Variants in PHTF1 observed in about 807,000 individuals in gnomAD.
PHTF1 encodes protein PHTF1.
A neutral mutation model predicts 102.4 loss-of-function variants in PHTF1; 88 were observed. That is an observed-to-expected ratio of 0.86 (90% CI 0.72 to 1.03). The LOEUF (loss-of-function observed/expected upper bound fraction) is 1.03, where lower values mean the gene tolerates loss of function less well. Among genes scored for constraint, PHTF1 ranks in the 50% least tolerant of loss-of-function variants. PHTF1 has a pLI of 0.00. For missense variants in PHTF1, 814 were observed against 909.5 expected (o/e 0.89, Z 1.35); for synonymous variants, 289 against 305.2 (o/e 0.95, Z 0.55).
intron 8 of PHTF1, 36 bp downstream of exon 8, chr1:113,713,243 G>C (rs1651427832): frequency 1.3e-6 from 2 of 1,584,138 alleles, no homozygotes; most frequent in South Asian, 2.2e-5. Context: ...GTTACATGGG[G>C]AAAAAAACCC....
intron 5 of PHTF1, among the ~76,000 whole-genome samples, chr1:113,736,627 C>T (rs1454620328): frequency 6.6e-6 from 1 of 152,016 alleles, no homozygotes; most frequent in East Asian, 1.9e-4. Flanking sequence ...ACACCTGTAT[C>T]CCAGCTACTC....
At chr1:113,712,163 A>C (rs763122583) in intron 8 of PHTF1, 50 bp from the exon 9 acceptor site, 2 of 1,462,300 alleles carry the variant, frequency 1.4e-6, no homozygotes, top group East Asian at 2.3e-5. Flanking sequence ...AAAATATTCT[A>C]ATAAGCTGCA....
At chr1:113,740,837 C>A (rs1656236409) in intron 3 of PHTF1, among the ~76,000 whole-genome samples, 2 of 152,090 alleles carry the variant, frequency 1.3e-5, no homozygotes, top group African/African-American at 4.8e-5. Flanking sequence ...TTGAGACCAG[C>A]CTGGCCAACA....
intron 3 of PHTF1, among the ~76,000 whole-genome samples, chr1:113,743,346 C>A (rs369445059): frequency 3.9e-5 from 6 of 152,044 alleles, no homozygotes; most frequent in African/African-American, 7.2e-5. Context: ...CATATCTTGT[C>A]CTACTGTAGG....
At chr1:113,735,960 A>T (rs1440668631) in intron 5 of PHTF1, among the ~76,000 whole-genome samples, 4 of 152,182 alleles carry the variant, frequency 2.6e-5, no homozygotes, top group Non-Finnish European at 4.4e-5. Context: ...CCCTGCACAC[A>T]GTTAGAAAAC....
At position 113,706,064 on chromosome 1, in the gene PHTF1, C is replaced by T; in HGVS notation, c.1497G>A (p.Glu499=). The stretch of plus-strand genomic sequence containing the variant: ...TGGACTTTAGTTGGTCAAGGCTCTT[C>T]TCACGGAAAAGTCGATGTAAGAATG... ...FFPFLHRLFR[E]KSLDQLKSIS... Residue 499 remains glutamate, a synonymous_variant, in exon 13 of 19, where the codon GAG becomes GAA. Transcript: ENST00000369604. The T allele has an allele frequency of 1.9e-6, 3 of 1,614,144 alleles. No homozygotes were observed. The highest frequency in any genetic ancestry group is 2.5e-6 in the Non-Finnish European group (3 of 1,179,992).
At chr1:113,729,970 C>T (rs1654401308) in intron 5 of PHTF1, among the ~76,000 whole-genome samples, 1 of 152,190 alleles carries the variant, frequency 6.6e-6, no homozygotes, top group Non-Finnish European at 1.5e-5. Flanking sequence ...CCATCCCAAA[C>T]ACTCCTATAC....
At chr1:113,728,064 G>A (rs990294590) in intron 5 of PHTF1, among the ~76,000 whole-genome samples, 5 of 152,186 alleles carry the variant, frequency 3.3e-5, no homozygotes, top group African/African-American at 1.2e-4. Flanking sequence ...ACTCCAGCCT[G>A]GGTGACAGAG....
At chr1:113,710,155 C>G (rs1398600068) in intron 11 of PHTF1, 99 bp downstream of exon 11, 4 of 826,792 alleles carry the variant, frequency 4.8e-6, no homozygotes, top group East Asian at 5.3e-5. Context: ...ATAGTATCTA[C>G]CCTACAGGAT....
intron 7 of PHTF1, among the ~76,000 whole-genome samples, chr1:113,722,362 C>G (rs1350969255): frequency 6.6e-6 from 1 of 151,508 alleles, no homozygotes; most frequent in African/African-American, 2.4e-5. Flanking sequence ...TGGCATGAAC[C>G]CAGGAGGTGG....
intron 7 of PHTF1, chr1:113,714,591 T>A (rs1651672101): frequency 1.3e-5 from 2 of 152,262 alleles, no homozygotes; most frequent in South Asian, 4.2e-4. Flanking sequence ...GTCTTTTGGT[T>A]TGGGTGTGAG....
At chr1:113,699,556 G>A in intron 17 of PHTF1, 148 bp downstream of exon 17, 1 of 668,830 alleles carries the variant, frequency 1.5e-6, no homozygotes, top group South Asian at 1.6e-5. Context: ...AACCACCACT[G>A]TGACCCCTAC....
Position 113,725,686 on chromosome 1 carries a change from G to A in PHTF1, c.488+732C>T, listed in dbSNP as rs904282887. 3 of 152,226 alleles carry A rather than the reference G, an allele frequency of 2.0e-5. No individual in the cohort carries two copies. In the East Asian group the frequency reaches 5.8e-4, roughly 29 times the overall value. 9.4% of individuals were successfully genotyped at this position (152,226 alleles called of 1,614,324 possible). A position where few individuals can be genotyped will look rare whatever the true frequency, so the allele number is the denominator to read the frequency against. On this transcript the variant is annotated intron_variant, in intron 6 of 18. Transcript: ENST00000369604. ...ATCCTTATTAAAAGTTTAGACGGCT[G>A]GGTGCAGTGGCTCACGCCTGTAATC...
chr1:113,733,243 A>C (rs1360381282), intron 5 of PHTF1, among the ~76,000 whole-genome samples: 2 of 151,780 alleles, frequency 1.3e-5, no homozygotes, highest in Non-Finnish European at 2.9e-5. Flanking sequence ...TGGTAAGACC[A>C]TGGTAAAACA....
In PHTF1 at chr1:113,706,024, TCTC is replaced by T; in HGVS notation, c.1534_1536del (p.Glu512del). On this transcript the variant is annotated inframe_deletion, in exon 13 of 19. Transcript: ENST00000369604. ...GGTGCCCCACAAAAGAGAGTCAAGA[TCTC>T]CTCAGCTGAAATGGACTTTAGTTGG... The T allele has an allele frequency of 1.9e-6, 3 of 1,614,072 alleles. No homozygotes were observed. Among genetic ancestry groups the T allele is most frequent in the Non-Finnish European group, 2.5e-6 (3 of 1,180,008 alleles).
intron 15 of PHTF1, among the ~76,000 whole-genome samples, chr1:113,701,826 T>TAAAAAA (rs34844793): frequency 2.1e-3 from 58 of 27,996 alleles, no homozygotes; most frequent in African/African-American, 4.7e-3. Flanking sequence ...CAATTCCTGG[T>TAAAAAA]AAAAAAAAAA....
intron 5 of PHTF1, among the ~76,000 whole-genome samples, chr1:113,735,220 G>A (rs1655284985): frequency 6.6e-6 from 1 of 151,770 alleles, no homozygotes; most frequent in Admixed American, 6.6e-5. Context: ...ACAAAAATTA[G>A]CCAGGCATGG....
In PHTF1 at chr1:113,706,070, GA is replaced by G; in HGVS notation, c.1490del (p.Phe497SerfsTer9). The G allele has an allele frequency of 6.2e-7, 1 of 1,614,112 alleles. No individual in the cohort carries two copies. Among genetic ancestry groups the G allele is most frequent in the East Asian group, 2.2e-5 (1 of 44,872 alleles). On this transcript the variant is annotated frameshift_variant, in exon 13 of 19. Transcript: ENST00000369604. LOFTEE classifies it high-confidence loss of function. Reference protein sequence around the residue: ...LAFFPFLHRLFREKSLDQLKS... With the variant: ...LAFFPFLHRLXREKSLDQLKS... ...TTAGTTGGTCAAGGCTCTTCTCACG[GA>G]AAAGTCGATGTAAGAATGGAAAAAA...
At chr1:113,734,117 A>G (rs922362514) in intron 5 of PHTF1, among the ~76,000 whole-genome samples, 5 of 152,104 alleles carry the variant, frequency 3.3e-5, no homozygotes, top group Non-Finnish European at 5.9e-5. Context: ...AAAATTAGTC[A>G]GGCATGGTGG....
Sources: allele counts gnomAD v4.1 joint callset (sites outside exome capture counted in the v4.1 genomes callset), GRCh38; gene constraint gnomAD v4.1.1; transcripts MANE v1.5; gene names NCBI Gene and HGNC (gene_info 2026-07-23, HGNC 2026-07-21).